The following CDADC1 variants were observed in gnomAD, a reference collection of about 807,000 sequenced individuals.
CDADC1 encodes cytidine and dCMP deaminase domain containing 1.
A neutral mutation model predicts 54.9 loss-of-function variants in CDADC1; 39 were observed. That is an observed-to-expected ratio of 0.71 (90% CI 0.55 to 0.93). The LOEUF is 0.93. Among genes scored for constraint, CDADC1 ranks in the 40% least tolerant of loss-of-function variants. CDADC1 has a pLI of 0.00. For missense variants in CDADC1, 518 were observed against 618.8 expected (o/e 0.84, Z 1.73); for synonymous variants, 186 against 204.0 (o/e 0.91, Z 0.75).
chr13:49,267,731 C>T lies in CDADC1; in HGVS notation c.672C>T (p.Asn224=), dbSNP rs763774994. 6.2e-7 allele frequency: 1 copy of T among 1,611,506 alleles called. No homozygotes were observed. The highest frequency in any genetic ancestry group is 8.5e-7 in the Non-Finnish European group (1 of 1,178,924). ...QKITKTLPDA[N]TDFYYECKQE... ...TTACAAAAACATTGCCGGATGCTAA[C>T]ACTGACTTTTATTATGAATGTAAAC... is the stretch of plus-strand genomic sequence containing the variant. The change falls in exon 5 of 10, where the codon AAC becomes AAT. Residue 224 remains asparagine, a synonymous_variant. Transcript: ENST00000251108.
intron 9 of CDADC1, among the ~76,000 whole-genome samples, chr13:49,288,550 T>C (rs1344299619): frequency 6.6e-6 from 1 of 152,240 alleles, no homozygotes; most frequent in Non-Finnish European, 1.5e-5. Context: ...AATGGAATCA[T>C]ACAGTATGTA....
intron 4 of CDADC1, among the ~76,000 whole-genome samples, chr13:49,261,063 G>A (rs1438182471): frequency 2.6e-5 from 4 of 152,198 alleles, no homozygotes; most frequent in Admixed American, 6.5e-5. Context: ...GAGAACAGTG[G>A]CAGATGAATT....
At position 49,255,844 on chromosome 13, in the gene CDADC1, T is replaced by C. The variant is rs761731481; in HGVS notation, c.183T>C (p.Asn61=). 3.7e-5 allele frequency: 59 copies of C among 1,610,034 alleles called. No individual in the cohort carries two copies. Among genetic ancestry groups the C allele is most frequent in the Non-Finnish European group, 4.9e-5 (58 of 1,178,772 alleles). The change falls in exon 3 of 10, where the codon AAT becomes AAC. Residue 61 remains asparagine (N), a synonymous_variant. Transcript: ENST00000251108. ...CTTAATCTGATTTTTATTAGAAAAA[T>C]GAAGAGGGAAAGCATGGACCCTTAG... ...AEAQRQKSQK[N]EEGKHGPLGD...
intron 9 of CDADC1, among the ~76,000 whole-genome samples, chr13:49,290,169 G>C (rs919657855): frequency 6.6e-6 from 1 of 151,976 alleles, no homozygotes. Flanking sequence ...GCCTCTGAGT[G>C]GGGTGAAAGG....
rs942390673 is a variant in CDADC1 at position 49,272,320 on chromosome 13, G to T, written c.1001-1971G>T. 5.8e-4 allele frequency among the ~76,000 whole-genome samples: 88 copies of T among 152,180 alleles called. 1 individual carries two copies. The highest frequency in any genetic ancestry group is 2.1e-4 in the South Asian group (1 of 4,828). On this transcript the variant is annotated intron_variant, in intron 5 of 9. Coordinates refer to ENST00000251108, the MANE Select transcript of CDADC1 (RefSeq NM_030911.4). Reference sequence around the variant, plus strand: ...AACTTCTGCCACTTACCTTAGAAATGAGCATAAAGCCATTGATTTGTATTC... The same window carrying T: ...AACTTCTGCCACTTACCTTAGAAATTAGCATAAAGCCATTGATTTGTATTC...
At chr13:49,253,464 G>T (rs1952478910) in intron 2 of CDADC1, among the ~76,000 whole-genome samples, 1 of 152,204 alleles carries the variant, frequency 6.6e-6, no homozygotes, top group Non-Finnish European at 1.5e-5. Context: ...AGAGTAGCCA[G>T]TGGTTTTACA....
chr13:49,283,302 T>TTGTC (rs1179192292), intron 8 of CDADC1, among the ~76,000 whole-genome samples: 1 of 152,178 alleles, frequency 6.6e-6, no homozygotes, highest in Non-Finnish European at 1.5e-5. Flanking sequence ...TTTTTTCTAA[T>TTGTC]TGTCTTATTT....
intron 9 of CDADC1, among the ~76,000 whole-genome samples, chr13:49,288,671 T>C (rs769853408): frequency 7.2e-5 from 11 of 152,154 alleles, no homozygotes; most frequent in Non-Finnish European, 1.5e-4. Context: ...GGTAAATCAG[T>C]CTGTCTAACT....
At chr13:49,249,471 C>T (rs569793062) in intron 2 of CDADC1, among the ~76,000 whole-genome samples, 2 of 152,142 alleles carry the variant, frequency 1.3e-5, no homozygotes, top group Admixed American at 1.3e-4. Flanking sequence ...CAGTGGCTCA[C>T]GCCTGTAATC....
intron 7 of CDADC1, among the ~76,000 whole-genome samples, chr13:49,279,237 C>T (rs751365381): frequency 6.6e-6 from 1 of 152,118 alleles, no homozygotes; most frequent in East Asian, 1.9e-4. Flanking sequence ...GGATATGAGA[C>T]GGCATCCACC....
intron 2 of CDADC1, among the ~76,000 whole-genome samples, chr13:49,250,096 C>T (rs2138188605): frequency 6.6e-6 from 1 of 152,338 alleles, no homozygotes; most frequent in Non-Finnish European, 1.5e-5. Flanking sequence ...TATTTTGGTG[C>T]TTCCAATCTT....
intron 2 of CDADC1, among the ~76,000 whole-genome samples, chr13:49,249,701 C>A (rs1210368616): frequency 1.1e-4 from 17 of 152,058 alleles, no homozygotes; most frequent in Non-Finnish European, 2.5e-4. Context: ...CCACTGCACT[C>A]CAGCCTGGGT....
chr13:49,286,287 G>A lies in CDADC1; in HGVS notation c.1471+5G>A. The A allele has an allele frequency of 6.2e-7, 1 of 1,604,160 alleles. No homozygotes were observed. Among genetic ancestry groups the A allele is most frequent in the African/African-American group, 1.3e-5 (1 of 74,840 alleles). On this transcript the variant is annotated splice_donor_5th_base_variant and intron_variant, in intron 9 of 9. Transcript: ENST00000251108. ...ATGAGCCTGAAAGGAGAGAAAGTAA[G>A]TATTTATGTATTGAGGTGAACTTTG... is the stretch of plus-strand genomic sequence containing the variant.
chr13:49,264,663 C>T (rs1324744548), intron 4 of CDADC1, among the ~76,000 whole-genome samples: 2 of 148,512 alleles, frequency 1.3e-5, no homozygotes, highest in South Asian at 2.1e-4. Context: ...TTAGAAGTTA[C>T]AGTGAGCTAT....
At chr13:49,249,515 C>T (rs1952376083) in intron 2 of CDADC1, among the ~76,000 whole-genome samples, 1 of 152,126 alleles carries the variant, frequency 6.6e-6, no homozygotes, top group Admixed American at 6.5e-5. Context: ...GGGTGGATCA[C>T]CTGAGGTCAG....
chr13:49,291,597 T>G lies in CDADC1; in HGVS notation c.1472-87T>G, dbSNP rs1165698070. The G allele has an allele frequency of 1.7e-5, 21 of 1,243,628 alleles. No homozygotes were observed. In the East Asian group the frequency reaches 5.2e-4, roughly 31 times the overall value. The allele number at this position is 1,243,628 out of a possible 1,614,324, so 77.0% of individuals were successfully genotyped here. On this transcript the variant is annotated intron_variant, in intron 9 of 9. Coordinates refer to ENST00000251108, the MANE Select transcript of CDADC1 (RefSeq NM_030911.4). ...GAAAGTTCCTTTAACTTAAGCATTG[T>G]TTTGCTCTTACAACATGTAAGGCTG...
At chr13:49,259,293 TATG>T (rs1952615491) in intron 3 of CDADC1, 50 bp from the exon 4 acceptor site, 5 of 1,172,950 alleles carry the variant, frequency 4.3e-6, no homozygotes, top group Non-Finnish European at 6.1e-6. Context: ...TAATCCATAA[TATG>T]ATTATTAGGT....
intron 5 of CDADC1, among the ~76,000 whole-genome samples, chr13:49,270,090 AT>A (rs1952925674): frequency 6.6e-6 from 1 of 152,094 alleles, no homozygotes; most frequent in South Asian, 2.1e-4. Flanking sequence ...TGTCTTAATC[AT>A]TTTTTCCTTA....
At chr13:49,266,635 G>A (rs1952822565) in intron 4 of CDADC1, among the ~76,000 whole-genome samples, 1 of 152,218 alleles carries the variant, frequency 6.6e-6, no homozygotes, top group South Asian at 2.1e-4. Context: ...GTTTTATTAT[G>A]AGGAGGACCA....
Sources: allele counts gnomAD v4.1 joint callset (sites outside exome capture counted in the v4.1 genomes callset), GRCh38; gene constraint gnomAD v4.1.1; transcripts MANE v1.5; gene names NCBI Gene and HGNC (gene_info 2026-07-23, HGNC 2026-07-21).